MIPOL1: variants seen among roughly 807,000 people sequenced by gnomAD.
MIPOL1 encodes the protein mirror-image polydactyly 1, also known as mirror-image polydactyly gene 1 protein.
Under a neutral mutation model 60.9 loss-of-function variants are expected in MIPOL1, and 57 were observed. The ratio of observed to expected loss-of-function variants is 0.94; its 90% CI spans 0.76 to 1.17. MIPOL1 has a LOEUF of 1.17. Among genes scored for constraint, MIPOL1 ranks in the 50% most tolerant of loss-of-function variants. MIPOL1 has a pLI of 0.00. For synonymous variants in MIPOL1, 179 were observed against 168.8 expected, an observed-to-expected ratio of 1.06 and a Z score of -0.47; for missense variants, 551 against 511.6, an observed-to-expected ratio of 1.08 and a Z score of -0.74.
chr14:37,494,839 A>G (rs544170189), intron 11 of MIPOL1, among the ~76,000 whole-genome samples: 2 of 152,300 alleles, frequency 1.3e-5, no homozygotes, highest in African/African-American at 4.8e-5. Context: ...TCTTTTTAAA[A>G]AGATCATGTC....
At chr14:37,250,131 T>C (rs181102496) in intron 3 of MIPOL1, among the ~76,000 whole-genome samples, 1 of 152,282 alleles carries the variant, frequency 6.6e-6, no homozygotes, top group African/African-American at 2.4e-5. Flanking sequence ...TATAGATGCA[T>C]AGACAGTTTA....
At chr14:37,359,817 C>T (rs3106686) in intron 9 of MIPOL1, among the ~76,000 whole-genome samples, 1 of 152,196 alleles carries the variant, frequency 6.6e-6, no homozygotes. Context: ...TTATTTCTTT[C>T]TCTTGCCCGA....
At chr14:37,238,001 C>T (rs1204025736) in intron 1 of MIPOL1, among the ~76,000 whole-genome samples, 4 of 152,142 alleles carry the variant, frequency 2.6e-5, no homozygotes, top group Admixed American at 2.6e-4. Flanking sequence ...GAGTCTCAGT[C>T]TATTACCCAG....
At chr14:37,388,858 C>G (rs2093153669) in intron 10 of MIPOL1, among the ~76,000 whole-genome samples, 2 of 151,986 alleles carry the variant, frequency 1.3e-5, no homozygotes. Context: ...GCGTAGGACC[C>G]CAAAACTTTT....
intron 12 of MIPOL1, chr14:37,502,525 G>T (rs999610951): frequency 6.6e-6 from 1 of 152,416 alleles, no homozygotes; most frequent in Non-Finnish European, 1.5e-5. Context: ...TGCAGCTGAG[G>T]GACCAGAGTG....
intron 11 of MIPOL1, among the ~76,000 whole-genome samples, chr14:37,470,709 A>G (rs1435914561): frequency 6.6e-6 from 1 of 152,070 alleles, no homozygotes; most frequent in South Asian, 2.1e-4. Context: ...GTGGGTTGCA[A>G]TCAGGAGAGA....
chr14:37,244,563 G>A (rs1339588184), intron 1 of MIPOL1, among the ~76,000 whole-genome samples: 4 of 151,444 alleles, frequency 2.6e-5, no homozygotes, highest in Non-Finnish European at 5.9e-5. Flanking sequence ...TTTTAAATAG[G>A]TGATTTTTTC....
chr14:37,282,595 T>C (rs1287866545), intron 6 of MIPOL1, among the ~76,000 whole-genome samples: 1 of 151,380 alleles, frequency 6.6e-6, no homozygotes, highest in East Asian at 2.0e-4. Flanking sequence ...AAAAATTTGG[T>C]AGGCCAAGGT....
At chr14:37,286,082 T>A (rs1442540327) in intron 7 of MIPOL1, among the ~76,000 whole-genome samples, 4 of 152,238 alleles carry the variant, frequency 2.6e-5, no homozygotes, top group Non-Finnish European at 5.9e-5. Flanking sequence ...TTATCACTTT[T>A]AAAATTCATT....
At chr14:37,440,737 C>T (rs570643586) in intron 11 of MIPOL1, among the ~76,000 whole-genome samples, 5 of 152,154 alleles carry the variant, frequency 3.3e-5, no homozygotes, top group East Asian at 1.9e-4. Flanking sequence ...GATAAACATA[C>T]GAGTGCAATG....
At chr14:37,445,560 T>C (rs1466608986) in intron 11 of MIPOL1, among the ~76,000 whole-genome samples, 13 of 151,178 alleles carry the variant, frequency 8.6e-5, no homozygotes, top group Admixed American at 8.6e-4. Flanking sequence ...TTCACAGAAT[T>C]GGAAAAAACT....
At chr14:37,515,750 G>T (rs948564726) in intron 12 of MIPOL1, among the ~76,000 whole-genome samples, 1 of 132,628 alleles carries the variant, frequency 7.5e-6, no homozygotes, top group African/African-American at 2.4e-5. Context: ...AGAATGATGG[G>T]AGTAGCACAG....
chr14:37,416,878 C>A (rs1019462073), intron 10 of MIPOL1, among the ~76,000 whole-genome samples: 18 of 152,194 alleles, frequency 1.2e-4, no homozygotes, highest in African/African-American at 4.3e-4. Context: ...AGCACATCTT[C>A]TGCTTCTTCA....
chr14:37,507,613 G>A (rs2095290292), intron 12 of MIPOL1: 2 of 152,126 alleles, frequency 1.3e-5, no homozygotes, highest in Non-Finnish European at 1.5e-5. Context: ...AGGGACTGGG[G>A]GTCTGGGAGA....
intron 1 of MIPOL1, among the ~76,000 whole-genome samples, chr14:37,224,243 G>C (rs1969317995): frequency 1.3e-5 from 2 of 152,178 alleles, no homozygotes; most frequent in Admixed American, 6.6e-5. Context: ...ACTTTGCGAG[G>C]CTGAGGTGGG....
At chr14:37,443,122 C>T (rs2094276357) in intron 11 of MIPOL1, among the ~76,000 whole-genome samples, 1 of 152,044 alleles carries the variant, frequency 6.6e-6, no homozygotes, top group African/African-American at 2.4e-5. Flanking sequence ...TAAGAATAGA[C>T]ATCTTGAAAT....
At chr14:37,353,102 G>T (rs1447125869) in intron 9 of MIPOL1, among the ~76,000 whole-genome samples, 18 of 134,144 alleles carry the variant, frequency 1.3e-4, no homozygotes, top group African/African-American at 4.0e-4. Context: ...TTTATTGAGA[G>T]TTTTTAGCAT....
chr14:37,448,248 C>T (rs2094366674), intron 11 of MIPOL1, among the ~76,000 whole-genome samples: 1 of 152,208 alleles, frequency 6.6e-6, no homozygotes, highest in African/African-American at 2.4e-5. Context: ...GGAGTCTCTG[C>T]ACTATAGCAC....
At chr14:37,340,484 A>G (rs998701076) in intron 9 of MIPOL1, among the ~76,000 whole-genome samples, 5 of 152,124 alleles carry the variant, frequency 3.3e-5, no homozygotes, top group African/African-American at 9.7e-5. Flanking sequence ...GCCAAGTCGG[A>G]CGATCCCTTG....
Sources: gnomAD v4.1 joint callset for allele counts (sites outside exome capture counted in the v4.1 genomes callset) on GRCh38, gnomAD v4.1.1 for gene constraint, MANE v1.5 for transcripts, NCBI Gene and HGNC (gene_info 2026-07-23, HGNC 2026-07-21) for gene names.